SLC25A26: variants seen among roughly 807,000 people sequenced by gnomAD.
The protein encoded by SLC25A26 is mitochondrial S-adenosylmethionine carrier protein.
A neutral mutation model predicts 37.8 loss-of-function variants in SLC25A26; 36 were observed. The ratio of observed to expected loss-of-function variants is 0.95; its 90% CI spans 0.73 to 1.26. The LOEUF (loss-of-function observed/expected upper bound fraction) is 1.26. Ranked by LOEUF, SLC25A26 falls within the 50% of genes most tolerant of loss-of-function variation. The probability of loss-of-function intolerance (pLI) is 0.00; values close to 1 mark genes in which losing one functional copy is unlikely to be tolerated. For missense variants in SLC25A26, 390 were observed against 331.1 expected, an observed-to-expected ratio of 1.18 and a Z score of -1.38; for synonymous variants, 129 against 122.5, an observed-to-expected ratio of 1.05 and a Z score of -0.35.
chr3:66,296,774 A>G (rs1576819855), intron 5 of SLC25A26, among the ~76,000 whole-genome samples: 1 of 152,240 alleles, frequency 6.6e-6, no homozygotes, highest in Non-Finnish European at 1.5e-5. Flanking sequence ...GCTCTTAACC[A>G]TAATTTTAGT....
chr3:66,140,716 T>TA (rs2070021012), intron 1 of SLC25A26, among the ~76,000 whole-genome samples: 1 of 152,228 alleles, frequency 6.6e-6, no homozygotes, highest in African/African-American at 2.4e-5. Context: ...ACTCTATGTT[T>TA]ACACTTTCAA....
chr3:66,250,028 T>C (rs1470896838), intron 3 of SLC25A26, among the ~76,000 whole-genome samples: 1 of 152,250 alleles, frequency 6.6e-6, no homozygotes. Flanking sequence ...CTTCAGGGCA[T>C]TAAATACATA....
chr3:66,363,186 A>G (rs2076751999), intron 7 of SLC25A26, among the ~76,000 whole-genome samples: 1 of 152,174 alleles, frequency 6.6e-6, no homozygotes, highest in Non-Finnish European at 1.5e-5. Flanking sequence ...GCCTTCACTC[A>G]GGCCCTGGAA....
chr3:66,292,737 A>C (rs1427479016), intron 5 of SLC25A26, among the ~76,000 whole-genome samples: 1 of 151,876 alleles, frequency 6.6e-6, no homozygotes, highest in Non-Finnish European at 1.5e-5. Flanking sequence ...TTTTTCCTTC[A>C]TTTCAACCTT....
rs532813784 is a variant in SLC25A26, at chr3:66,354,447, A to G, written c.498+8039A>G. Among the ~76,000 whole-genome samples the G allele has an allele frequency of 5.3e-5, 8 of 152,340 alleles. No individual in the cohort carries two copies. The South Asian group carries it at 6.2e-4, about 12-fold the overall frequency. ...ATGCATTATCACTTCACTTATATCA[A>G]TAGTTCAATGTATATAATAATTACT... On this transcript the variant is annotated intron_variant, in intron 6 of 9. Transcript: ENST00000354883.
intron 1 of SLC25A26, among the ~76,000 whole-genome samples, chr3:66,153,607 C>A (rs577320748): frequency 1.3e-5 from 2 of 152,348 alleles, no homozygotes; most frequent in South Asian, 2.1e-4. Context: ...TTAATGTGTG[C>A]TTTCAGGTGT....
rs978608036 is a variant in SLC25A26 at position 66,377,970 on chromosome 3, A to G, written c.*163A>G. 5.0e-6 allele frequency: 3 copies of G among 600,416 alleles called. No homozygotes were observed. The highest frequency in any genetic ancestry group is 5.9e-6 in the Non-Finnish European group (2 of 340,118). 37.2% of individuals were successfully genotyped at this position (600,416 alleles called of 1,614,324 possible). On this transcript the variant is annotated 3_prime_UTR_variant, in exon 10 of 10. Transcript: ENST00000354883. ...CCATCCGTGGTATAGGCTGGCTGGT[A>G]TGAAGTCATTGGCCTGTATGCCAGA...
At chr3:66,203,374 C>A (rs1269719017) in intron 1 of SLC25A26, among the ~76,000 whole-genome samples, 1 of 151,002 alleles carries the variant, frequency 6.6e-6, no homozygotes, top group Non-Finnish European at 1.5e-5. Context: ...AGAGTGAGAC[C>A]CTGTCTCAAA....
chr3:66,331,999 T>A (rs576793998), intron 5 of SLC25A26, among the ~76,000 whole-genome samples: 1 of 139,534 alleles, frequency 7.2e-6, no homozygotes, highest in South Asian at 2.1e-4. Context: ...TGGCACGATC[T>A]TGGCTCGCTG....
chr3:66,295,882 G>T (rs147155642), intron 5 of SLC25A26, among the ~76,000 whole-genome samples: 2 of 152,098 alleles, frequency 1.3e-5, no homozygotes, highest in Non-Finnish European at 2.9e-5. Context: ...GCTTTGGGAA[G>T]CCGAGATGGG....
At chr3:66,242,283 G>A (rs782065947) in intron 2 of SLC25A26, among the ~76,000 whole-genome samples, 7 of 152,206 alleles carry the variant, frequency 4.6e-5, no homozygotes, top group Non-Finnish European at 7.3e-5. Flanking sequence ...TAAGTGGGCT[G>A]AAGTGGGAAA....
intron 3 of SLC25A26, among the ~76,000 whole-genome samples, chr3:66,259,763 G>A (rs920479719): frequency 2.0e-5 from 3 of 152,038 alleles, no homozygotes; most frequent in African/African-American, 4.8e-5. Flanking sequence ...CCTGTGCATT[G>A]CAGCCAGAGT....
intron 1 of SLC25A26, among the ~76,000 whole-genome samples, chr3:66,158,928 C>T (rs886838561): frequency 1.3e-5 from 2 of 152,070 alleles, no homozygotes; most frequent in East Asian, 1.9e-4. Flanking sequence ...GGTTCAACAG[C>T]GTAGGGGACC....
intron 3 of SLC25A26, among the ~76,000 whole-genome samples, chr3:66,251,606 G>A (rs182852023): frequency 6.6e-6 from 1 of 152,248 alleles, no homozygotes; most frequent in Non-Finnish European, 1.5e-5. Context: ...AGAACGGGAG[G>A]GTCAGGGCTT....
chr3:66,310,267 CT>C (rs1173064102), intron 5 of SLC25A26, among the ~76,000 whole-genome samples: 1 of 152,068 alleles, frequency 6.6e-6, no homozygotes, highest in Non-Finnish European at 1.5e-5. Context: ...CTTTCTTTGT[CT>C]TTTTTGATGT....
chr3:66,136,781 T>C (rs1417586823), intron 1 of SLC25A26, among the ~76,000 whole-genome samples: 1 of 152,194 alleles, frequency 6.6e-6, no homozygotes, highest in Non-Finnish European at 1.5e-5. Context: ...TTAAATTGTA[T>C]ACAAAGCTTT....
At chr3:66,287,366 T>C (rs11924248) in intron 5 of SLC25A26, among the ~76,000 whole-genome samples, 7,392 of 152,264 alleles carry the variant, frequency 0.049, 603 homozygotes, top group African/African-American at 0.17. Context: ...TGTTCCTTTT[T>C]CTTTTTTAAG....
intron 5 of SLC25A26, among the ~76,000 whole-genome samples, chr3:66,266,163 A>G (rs995719194): frequency 1.1e-5 from 1 of 87,682 alleles, no homozygotes; most frequent in Non-Finnish European, 2.2e-5. Flanking sequence ...CATTATGCAT[A>G]TTTATTCAGA....
intron 1 of SLC25A26, among the ~76,000 whole-genome samples, chr3:66,163,805 G>A (rs2070390779): frequency 6.6e-6 from 1 of 152,188 alleles, no homozygotes; most frequent in South Asian, 2.1e-4. Context: ...ATTTATGGTA[G>A]AAATTAATAT....
Sources: gnomAD v4.1 joint callset for allele counts (sites outside exome capture counted in the v4.1 genomes callset) on GRCh38, gnomAD v4.1.1 for gene constraint, MANE v1.5 for transcripts, NCBI Gene and HGNC (gene_info 2026-07-23, HGNC 2026-07-21) for gene names.